The following FAAH2 variants were observed in gnomAD, a reference collection of about 807,000 sequenced individuals.
FAAH2 encodes fatty acid amide hydrolase 2.
Under a neutral mutation model 36.9 loss-of-function variants are expected in FAAH2, and 60 were observed. The observed-to-expected ratio is 1.63, with a 90% CI of 1.32 to 2.02. FAAH2 has a LOEUF of 2.02. Among genes scored for constraint, FAAH2 ranks in the 30% most tolerant of loss-of-function variants. The pLI, the probability that FAAH2 is intolerant of heterozygous loss-of-function variation, is 0.00. For missense variants in FAAH2, 689 were observed against 397.5 expected, an observed-to-expected ratio of 1.73 and a Z score of -6.23; for synonymous variants, 214 against 143.8, an observed-to-expected ratio of 1.49 and a Z score of -3.49.
chrX:57,158,896 G>T, the FAAH2 span, among the ~76,000 whole-genome samples: 1 of 112,069 alleles, frequency 8.9e-6, no homozygotes, highest in Non-Finnish European at 1.9e-5. Flanking sequence ...TGCTTTTGGC[G>T]TTTTAGACAT....
At chrX:57,398,381 C>T (rs766540614) in intron 7 of FAAH2, among the ~76,000 whole-genome samples, 12 of 111,722 alleles carry the variant, frequency 1.1e-4, no homozygotes, top group East Asian at 2.8e-4. Context: ...TTTCTGGTAT[C>T]GGGATATCTA....
intron 3 of FAAH2, among the ~76,000 whole-genome samples, chrX:57,321,013 G>A (rs914686299): frequency 2.2e-4 from 24 of 109,931 alleles, no homozygotes; most frequent in East Asian, 1.7e-3. Context: ...GGTGGTGGGC[G>A]CCTGTAGTCC....
the FAAH2 span, among the ~76,000 whole-genome samples, chrX:57,262,336 T>C: frequency 1.7e-3 from 195 of 111,632 alleles, 1 homozygote; most frequent in African/African-American, 6.0e-3. Flanking sequence ...AAAATTTCTC[T>C]GCAAAGATAG....
At chrX:57,455,456 C>A (rs1236630129) in intron 10 of FAAH2, among the ~76,000 whole-genome samples, 2 of 110,361 alleles carry the variant, frequency 1.8e-5, no homozygotes, top group African/African-American at 6.6e-5. Context: ...TAATACTAAC[C>A]CTGAATGTAA....
At chrX:57,251,867 G>A in the FAAH2 span, among the ~76,000 whole-genome samples, 5 of 111,913 alleles carry the variant, frequency 4.5e-5, no homozygotes, top group East Asian at 1.4e-3. Flanking sequence ...GCAGCCCATG[G>A]AAGGTGAGCC....
chrX:57,215,883 G>T, the FAAH2 span, among the ~76,000 whole-genome samples: 1 of 93,236 alleles, frequency 1.1e-5, no homozygotes, highest in Non-Finnish European at 2.1e-5. Context: ...AGGTTGTTGG[G>T]TACAGCAAAC....
intron 10 of FAAH2, among the ~76,000 whole-genome samples, chrX:57,458,645 G>T (rs1003292514): frequency 8.9e-6 from 1 of 112,115 alleles, no homozygotes; most frequent in Admixed American, 9.4e-5. Flanking sequence ...TAATCATCTC[G>T]CTGGGACTGG....
At chrX:57,423,976 G>A (rs188628350) in intron 7 of FAAH2, among the ~76,000 whole-genome samples, 311 of 110,919 alleles carry the variant, frequency 2.8e-3, no homozygotes, top group African/African-American at 0.01. Flanking sequence ...TTACAACATC[G>A]GCCGACACAA....
At chrX:57,400,144 C>T (rs1476085993) in intron 7 of FAAH2, among the ~76,000 whole-genome samples, 1 of 112,128 alleles carries the variant, frequency 8.9e-6, no homozygotes, top group Non-Finnish European at 1.9e-5. Context: ...CAGCACTGGT[C>T]CTTCAAGTAA....
the FAAH2 span, among the ~76,000 whole-genome samples, chrX:57,264,448 T>C: frequency 0.013 from 1,414 of 112,565 alleles, 20 homozygotes; most frequent in African/African-American, 0.044. Context: ...ATATCATTGA[T>C]CATTAGAGAA....
intron 5 of FAAH2, among the ~76,000 whole-genome samples, chrX:57,364,182 G>C (rs891747725): frequency 3.7e-5 from 4 of 108,803 alleles, no homozygotes; most frequent in African/African-American, 6.7e-5. Context: ...AATCCGTTTG[G>C]TGCAGGGCTT....
At chrX:57,309,512 T>G (rs2052632239) in intron 2 of FAAH2, among the ~76,000 whole-genome samples, 2 of 111,891 alleles carry the variant, frequency 1.8e-5, no homozygotes, top group Non-Finnish European at 3.8e-5. Context: ...TGCAGGTTTG[T>G]TACAAGGTAA....
chrX:57,371,772 G>C (rs142084480), intron 5 of FAAH2, among the ~76,000 whole-genome samples: 2 of 111,470 alleles, frequency 1.8e-5, no homozygotes, highest in African/African-American at 6.5e-5. Flanking sequence ...CATAGTATCT[G>C]ATAGGTTTTC....
chrX:57,412,729 G>A (rs760207325), intron 7 of FAAH2, among the ~76,000 whole-genome samples: 3 of 111,687 alleles, frequency 2.7e-5, no homozygotes, highest in Admixed American at 9.5e-5. Context: ...AATCCTTTGG[G>A]TATATACCCA....
At chrX:57,427,591 A>T (rs1290031402) in intron 7 of FAAH2, among the ~76,000 whole-genome samples, 1 of 111,930 alleles carries the variant, frequency 8.9e-6, no homozygotes, top group Non-Finnish European at 1.9e-5. Context: ...AGATGAAAGG[A>T]TGGTTCAACA....
rs754135741 is a variant in FAAH2, at chrX:57,389,262, GCACA to G, written c.996+8245_996+8248del. 1.7e-4 allele frequency among the ~76,000 whole-genome samples: 11 copies of G among 65,583 alleles called. No homozygotes were observed. In the East Asian group the frequency reaches 2.1e-3, roughly 12 times the overall value. The allele number at this position is 65,583 out of a possible 115,157, so 57.0% of individuals were successfully genotyped here. On this transcript the variant is annotated intron_variant, in intron 7 of 10. Transcript: ENST00000374900. The stretch of plus-strand genomic sequence containing the variant: ...TACCCTTACACACACACATACACAC[GCACA>G]CACACACACACCTACACACACACAC...
At chrX:57,407,036 A>C (rs917913783) in intron 7 of FAAH2, among the ~76,000 whole-genome samples, 4 of 111,795 alleles carry the variant, frequency 3.6e-5, no homozygotes, top group African/African-American at 1.3e-4. Flanking sequence ...GGAGATCAGC[A>C]TTGTACCTGT....
the FAAH2 span, among the ~76,000 whole-genome samples, chrX:57,251,093 A>G: frequency 8.9e-6 from 1 of 111,834 alleles, no homozygotes; most frequent in Non-Finnish European, 1.9e-5. Context: ...AAAACACAAA[A>G]ATTCTCAACA....
chrX:57,216,786 C>A, the FAAH2 span, among the ~76,000 whole-genome samples: 1 of 104,220 alleles, frequency 9.6e-6, no homozygotes, highest in Admixed American at 1.1e-4. Context: ...TGGGTAGATA[C>A]CCAGTTGTGG....
Sources: allele counts gnomAD v4.1 joint callset (sites outside exome capture counted in the v4.1 genomes callset), GRCh38; gene constraint gnomAD v4.1.1; transcripts MANE v1.5; gene names NCBI Gene and HGNC (gene_info 2026-07-23, HGNC 2026-07-21).